TMED4: variants seen among roughly 807,000 people sequenced by gnomAD.
TMED4 encodes transmembrane p24 trafficking protein 4, also known as transmembrane emp24 domain-containing protein 4.
A neutral mutation model predicts 26.5 loss-of-function variants in TMED4; 19 were observed. The observed-to-expected ratio is 0.72, with a 90% CI of 0.50 to 1.05. The LOEUF (loss-of-function observed/expected upper bound fraction) is 1.05, where lower values mean the gene tolerates loss of function less well. TMED4 is among the 50% of genes least tolerant of loss of function. The probability of loss-of-function intolerance (pLI) is 0.00; values close to 1 mark genes in which losing one functional copy is unlikely to be tolerated. For missense variants in TMED4, 303 were observed against 302.5 expected (o/e 1.00, Z -0.01); for synonymous variants, 121 against 119.8 (o/e 1.01, Z -0.07).
At position 44,579,554 on chromosome 7, in the gene TMED4, A is replaced by G; in HGVS notation, c.609T>C (p.Thr203=). 1 of 1,614,194 alleles carries G rather than the reference A, an allele frequency of 6.2e-7. No individual in the cohort carries two copies. The highest frequency in any genetic ancestry group is 1.3e-5 in the African/African-American group (1 of 75,050). The part of the protein sequence containing the change: ...QRVLWWSIAQ[T]VILILTGIWQ... ...AGATGCCAGTGAGGATGAGGATGACAGTCTGAGCAATGGACCACCATAGGA... is the reference window on the plus strand; with the variant it reads ...AGATGCCAGTGAGGATGAGGATGACGGTCTGAGCAATGGACCACCATAGGA... Residue 203 remains threonine, a synonymous_variant, in exon 5 of 5, where the codon ACT becomes ACC. Transcript: ENST00000457408.
intron 4 of TMED4, chr7:44,579,909 T>G: frequency 3.7e-6 from 1 of 269,332 alleles, no homozygotes; most frequent in East Asian, 6.8e-5. Flanking sequence ...GATTGTGAAC[T>G]GTCCTTTCTT....
In TMED4 at chr7:44,581,140, A is replaced by G; in HGVS notation, c.487T>C (p.Leu163=). The change falls in exon 4 of 5, where the codon TTG becomes CTG. Residue 163 remains leucine (L), a synonymous_variant. Transcript: ENST00000457408. ...LTELQLRARQ[L]LDQVEQIQKE... ...TGAATCTGTTCCACCTGATCAAGCA[A>G]CTGGCGGGCGCGGAGCTGTAGCTCC... The G allele has an allele frequency of 6.2e-7, 1 of 1,614,134 alleles. No individual in the cohort carries two copies. The highest frequency in any genetic ancestry group is 1.1e-5 in the South Asian group (1 of 91,084).
At position 44,579,378 on chromosome 7, in the gene TMED4, T is replaced by G; in HGVS notation, c.*101A>C. ...TGGCCATGGAACCAATGTGACTTAT[T>G]CTTTTTCATTTTTTTCCCTAAAAAT... On this transcript the variant is annotated 3_prime_UTR_variant, in exon 5 of 5. Transcript: ENST00000457408. The G allele has an allele frequency of 7.4e-7, 1 of 1,359,438 alleles. No individual in the cohort carries two copies. The highest frequency in any genetic ancestry group is 1.0e-6 in the Non-Finnish European group (1 of 994,308). The allele number at this position is 1,359,438 out of a possible 1,614,324, so 84.2% of individuals were successfully genotyped here.
chr7:44,581,782 A>G lies in TMED4; in HGVS notation c.202T>C (p.Phe68Leu). The G allele has an allele frequency of 7.4e-6, 12 of 1,614,198 alleles. No individual in the cohort carries two copies. Among genetic ancestry groups the G allele is most frequent in the Non-Finnish European group, 1.0e-5 (12 of 1,180,030 alleles). Residue 68 changes from phenylalanine to leucine, a missense_variant, in exon 2 of 5, where the codon TTC becomes CTC. Coordinates refer to ENST00000457408, the MANE Select transcript of TMED4 (RefSeq NM_182547.4). ...CCCAGGCCAGGGGTCGAGGGCAGGA[A>G]GACCTCCTTCTGCTTATCCCACATC... Reference protein sequence around the residue: ...TQMWDKQKEVFLPSTPGLGMH... With the variant: ...TQMWDKQKEVLLPSTPGLGMH...
In TMED4 at chr7:44,581,190, T is replaced by TC; in HGVS notation, c.436dup (p.Glu146GlyfsTer7). The TC allele has an allele frequency of 6.2e-7, 1 of 1,614,124 alleles. No homozygotes were observed. ...CGTCAGCTTATCTTTTGCAGCAATC[T>TC]CAGGGTAGTTGTTGGCATGCTCCCC... On this transcript the variant is annotated frameshift_variant, in exon 4 of 5. Transcript: ENST00000457408. LOFTEE classifies it high-confidence loss of function.
In TMED4 at chr7:44,579,386, A is replaced by C; in HGVS notation, c.*93T>G. The C allele has an allele frequency of 7.1e-7, 1 of 1,415,942 alleles. No homozygotes were observed. The highest frequency in any genetic ancestry group is 9.6e-7 in the Non-Finnish European group (1 of 1,044,470). 87.7% of individuals were successfully genotyped at this position (1,415,942 alleles called of 1,614,324 possible). ...GAACCAATGTGACTTATTCTTTTTC[A>C]TTTTTTTCCCTAAAAATCCAGGTGG... On this transcript the variant is annotated 3_prime_UTR_variant, in exon 5 of 5. Transcript: ENST00000457408.
chr7:44,581,988 G>A, intron 1 of TMED4, 59 bp downstream of exon 1: 2 of 1,521,464 alleles, frequency 1.3e-6, no homozygotes, highest in South Asian at 2.4e-5. Flanking sequence ...CGGGAGGAGG[G>A]AGCGCCGCCG....
At chr7:44,579,746 G>A (rs982362579) in intron 4 of TMED4, 118 bp from the exon 5 acceptor site, 10 of 1,116,248 alleles carry the variant, frequency 9.0e-6, no homozygotes, top group Non-Finnish European at 1.3e-5. Context: ...TACTATCTGT[G>A]ACTCCATTAG....
intron 2 of TMED4, 65 bp from the exon 3 acceptor site, chr7:44,581,639 C>T: frequency 6.2e-7 from 1 of 1,613,920 alleles, no homozygotes; most frequent in Admixed American, 1.7e-5. Context: ...AAGTTCCTGT[C>T]CCTTGAGGCC....
chr7:44,580,596 G>A (rs184511873), intron 4 of TMED4: 1 of 160,676 alleles, frequency 6.2e-6, no homozygotes, highest in Non-Finnish European at 1.4e-5. Context: ...GAACTATATA[G>A]ACAGTTAAAA....
chr7:44,581,910 C>T, intron 1 of TMED4, 87 bp from the exon 2 acceptor site: 1 of 1,578,584 alleles, frequency 6.3e-7, no homozygotes. Context: ...GAGCTCTAGG[C>T]AGGGGGCCTG....
intron 4 of TMED4, 43 bp from the exon 5 acceptor site, chr7:44,579,671 C>T (rs1440272493): frequency 6.3e-7 from 1 of 1,591,542 alleles, no homozygotes; most frequent in East Asian, 2.3e-5. Context: ...GAGAAACAGT[C>T]TGGCTGTTGT....
At position 44,582,190 on chromosome 7, in the gene TMED4, G is replaced by A. The variant is rs989365390; in HGVS notation, c.17C>T (p.Ala6Val). The change falls in exon 1 of 5, where the codon GCT becomes GTT. Residue 6 changes from alanine (A) to valine (V), a missense_variant. By Grantham distance (64) the Ala-to-Val change is moderately conservative. Coordinates refer to ENST00000457408, the MANE Select transcript of TMED4 (RefSeq NM_182547.4). ...CCGCCCCATCGCCCGCAGAGGCCCA[G>A]CCCCGACACCTGCCATCGCGCCTCA... MAGVG[A>V]GPLRAMGRQA... is the part of the protein sequence containing the mutation. 1.2e-5 allele frequency: 19 copies of A among 1,545,294 alleles called. No individual in the cohort carries two copies. Among genetic ancestry groups the A allele is most frequent in the Admixed American group, 4.0e-5 (2 of 49,488 alleles).
At position 44,581,021 on chromosome 7, in the gene TMED4, C is replaced by G; in HGVS notation, c.534+72G>C. ...TTCTCTGCAGAGCTGATCTCCCAAG[C>G]AGAAACTTGAGTAGGTATAGTGGGT... On this transcript the variant is annotated intron_variant, in intron 4 of 4. Transcript: ENST00000457408. 5.8e-6 allele frequency: 9 copies of G among 1,540,620 alleles called. No individual in the cohort carries two copies. In the South Asian group the frequency reaches 1.0e-4, roughly 17 times the overall value.
chr7:44,581,681 G>C, intron 2 of TMED4, 42 bp downstream of exon 2: 3 of 1,613,602 alleles, frequency 1.9e-6, no homozygotes, highest in Non-Finnish European at 2.5e-6. Flanking sequence ...CCCCACGGGA[G>C]CTCCACTGAA....
rs1802910262 is a variant in TMED4, at chr7:44,579,395, C to T, written c.*84G>A. ...TGACTTATTCTTTTTCATTTTTTTC[C>T]CTAAAAATCCAGGTGGATAAAGGAC... On this transcript the variant is annotated 3_prime_UTR_variant, in exon 5 of 5. Transcript: ENST00000457408. The T allele has an allele frequency of 1.4e-6, 2 of 1,441,808 alleles. No individual in the cohort carries two copies. Among genetic ancestry groups the T allele is most frequent in the Admixed American group, 2.2e-5 (1 of 46,360 alleles). The allele number at this position is 1,441,808 out of a possible 1,614,324, so 89.3% of individuals were successfully genotyped here.
In TMED4 at chr7:44,579,435, A is replaced by G; in HGVS notation, c.*44T>C. 1 of 1,589,240 alleles carries G rather than the reference A, an allele frequency of 6.3e-7. No homozygotes were observed. Among genetic ancestry groups the G allele is most frequent in the Non-Finnish European group, 8.6e-7 (1 of 1,164,094 alleles). On this transcript the variant is annotated 3_prime_UTR_variant, in exon 5 of 5. Transcript: ENST00000457408. ...GGATAAAGGACTGTGTGGGGAAAGT[A>G]CCAAATAAATGAGGTAAAAAGGAAG...
chr7:44,581,893 C>T, intron 1 of TMED4, 70 bp from the exon 2 acceptor site: 1 of 1,586,960 alleles, frequency 6.3e-7, no homozygotes, highest in Non-Finnish European at 8.6e-7. Flanking sequence ...CTCCGACGTG[C>T]GGCCCGGAGC....
In TMED4 at chr7:44,582,066, G is replaced by A. The variant is rs550911775; in HGVS notation, c.141C>T (p.Pro47=). Residue 47 remains proline (P), a synonymous_variant, in exon 1 of 5, where the codon CCC becomes CCT. Transcript: ENST00000457408. The part of the protein sequence containing the change: ...TEKRCFIEEI[P]DETMVIGNYR... ...CCTGACCGATGACCATGGTCTCGTC[G>A]GGGATTTCCTCGATGAAACAGCGCT... 42 of 1,567,848 alleles carry A rather than the reference G, an allele frequency of 2.7e-5. No homozygotes were observed. The East Asian group carries it at 6.4e-4, about 24-fold the overall frequency.
Sources: gnomAD v4.1 joint callset for allele counts on GRCh38, gnomAD v4.1.1 for gene constraint, MANE v1.5 for transcripts, NCBI Gene and HGNC (gene_info 2026-07-23, HGNC 2026-07-21) for gene names.